PHF24: variants seen among roughly 807,000 people sequenced by gnomAD.
The protein encoded by PHF24 is Galpha inhibitory interacting protein.
A neutral mutation model predicts 42.6 loss-of-function variants in PHF24; 25 were observed. The ratio of observed to expected loss-of-function variants is 0.59; its 90% confidence interval spans 0.43 to 0.82. PHF24 has a LOEUF of 0.82. Among genes scored for constraint, PHF24 ranks in the 40% least tolerant of loss-of-function variants. The pLI, the probability that PHF24 is intolerant of heterozygous loss-of-function variation, is 0.00. For missense variants in PHF24, 470 were observed against 538.1 expected, an observed-to-expected ratio of 0.87 and a Z score of 1.25; for synonymous variants, 185 against 204.8, an observed-to-expected ratio of 0.90 and a Z score of 0.83.
the PHF24 span, chr9:34,689,887 G>A: frequency 6.2e-6 from 10 of 1,614,152 alleles, no homozygotes; most frequent in African/African-American, 1.3e-5. This position sits in a 1 kb window ranked among gnomAD's most constrained non-coding sequence, Gnocchi z 4.1. Context: ...TCTTAGACAG[G>A]AGCTCAGAGG....
the PHF24 span, chr9:34,723,712 A>T: frequency 6.4e-7 from 1 of 1,551,552 alleles, no homozygotes; most frequent in African/African-American, 1.4e-5. Flanking sequence ...GCTTAGCCTG[A>T]GTTGGTTGGC....
At chr9:34,832,904 T>C in the PHF24 span, 27 of 1,551,598 alleles carry the variant, frequency 1.7e-5, no homozygotes, top group Non-Finnish European at 2.3e-5. Context: ...CTTCTCAGAC[T>C]CTTTCTCCCC....
chr9:34,723,443 G>A, the PHF24 span: 27 of 1,551,632 alleles, frequency 1.7e-5, no homozygotes, highest in Middle Eastern at 1.7e-4. Flanking sequence ...CGGCTTCTCC[G>A]TCTTACTTCT....
At chr9:34,884,782 T>A in the PHF24 span, among the ~76,000 whole-genome samples, 1 of 152,168 alleles carries the variant, frequency 6.6e-6, no homozygotes, top group Non-Finnish European at 1.5e-5. Context: ...GAGGGTGGCA[T>A]GACAGGACTG....
At chr9:34,785,645 G>A in the PHF24 span, among the ~76,000 whole-genome samples, 1 of 152,198 alleles carries the variant, frequency 6.6e-6, no homozygotes, top group African/African-American at 2.4e-5. Context: ...CCCGTATCAA[G>A]TATGGAGCTT....
chr9:34,813,660 C>G, the PHF24 span, among the ~76,000 whole-genome samples: 1 of 152,206 alleles, frequency 6.6e-6, no homozygotes, highest in Non-Finnish European at 1.5e-5. Context: ...CAGTTCTTTG[C>G]CATGTGGGCC....
the PHF24 span, chr9:34,917,702 G>A: frequency 4.7e-5 from 37 of 788,412 alleles, no homozygotes; most frequent in East Asian, 5.6e-4. Flanking sequence ...CAGGGACATC[G>A]TGGAGGCTCA....
chr9:34,896,116 C>G, the PHF24 span, among the ~76,000 whole-genome samples: 2 of 152,138 alleles, frequency 1.3e-5, no homozygotes, highest in Admixed American at 6.5e-5. Context: ...GACACCGAGT[C>G]TCTATGCACA....
chr9:34,971,052 A>AAC (rs1159182367), intron 1 of PHF24, among the ~76,000 whole-genome samples: 16 of 152,242 alleles, frequency 1.1e-4, no homozygotes, highest in Non-Finnish European at 1.9e-4. Context: ...GGAGTTCAAG[A>AAC]AGAGCCTGGG....
the PHF24 span, among the ~76,000 whole-genome samples, chr9:34,807,204 A>G: frequency 6.6e-6 from 1 of 152,190 alleles, no homozygotes; most frequent in Non-Finnish European, 1.5e-5. Flanking sequence ...TTATCAGATT[A>G]AGGAAATTTC....
chr9:34,755,303 A>AAT, the PHF24 span, among the ~76,000 whole-genome samples: 1 of 152,200 alleles, frequency 6.6e-6, no homozygotes, highest in Non-Finnish European at 1.5e-5. Flanking sequence ...CCTGTATAAA[A>AAT]ATATCTCATA....
At chr9:34,863,186 G>A in the PHF24 span, among the ~76,000 whole-genome samples, 1 of 152,152 alleles carries the variant, frequency 6.6e-6, no homozygotes, top group Non-Finnish European at 1.5e-5. Context: ...GACTCACTGG[G>A]GGCTTGGAGG....
At chr9:34,742,541 T>G in the PHF24 span, among the ~76,000 whole-genome samples, 1 of 152,172 alleles carries the variant, frequency 6.6e-6, no homozygotes, top group African/African-American at 2.4e-5. Flanking sequence ...AAAAAGCAAC[T>G]GCCAGCTACG....
the PHF24 span, among the ~76,000 whole-genome samples, chr9:34,886,460 A>G: frequency 1.3e-5 from 2 of 149,404 alleles, no homozygotes; most frequent in Admixed American, 1.3e-4. Flanking sequence ...GCTAAATCTA[A>G]TGGTCAACTA....
At chr9:34,784,317 G>C in the PHF24 span, among the ~76,000 whole-genome samples, 3 of 152,196 alleles carry the variant, frequency 2.0e-5, no homozygotes, top group African/African-American at 7.2e-5. Flanking sequence ...TCTCAACTAG[G>C]AGTTCATGCT....
the PHF24 span, among the ~76,000 whole-genome samples, chr9:34,719,173 G>A: frequency 2.0e-5 from 3 of 152,134 alleles, no homozygotes; most frequent in Admixed American, 1.3e-4. Context: ...GAGAAGCTGG[G>A]ATTACAGGTG....
the PHF24 span, among the ~76,000 whole-genome samples, chr9:34,891,806 A>G: frequency 1.3e-5 from 2 of 152,276 alleles, no homozygotes; most frequent in African/African-American, 4.8e-5. Flanking sequence ...TCCTGGATCT[A>G]CAGAGATCTC....
At chr9:34,925,474 G>A in the PHF24 span, among the ~76,000 whole-genome samples, 1 of 151,800 alleles carries the variant, frequency 6.6e-6, no homozygotes, top group Non-Finnish European at 1.5e-5. Context: ...TCTACTTCAG[G>A]AACACCCATA....
the PHF24 span, among the ~76,000 whole-genome samples, chr9:34,672,917 C>T: frequency 3.3e-5 from 5 of 152,332 alleles, no homozygotes; most frequent in African/African-American, 9.6e-5. Flanking sequence ...GCCAGTTCTT[C>T]TGCCTCAGCT....
Sources: allele counts gnomAD v4.1 joint callset (sites outside exome capture counted in the v4.1 genomes callset), GRCh38; gene constraint gnomAD v4.1.1; non-coding constraint Gnocchi (gnomAD v3.1); transcripts MANE v1.5; gene names NCBI Gene and HGNC (gene_info 2026-07-23, HGNC 2026-07-21).